Variants in NRXN1 observed in about 807,000 individuals in gnomAD.
NRXN1 encodes the protein neurexin-1.
Under a neutral mutation model 150.9 loss-of-function variants are expected in NRXN1, and 39 were observed. The ratio of observed to expected loss-of-function variants is 0.26; its 90% CI spans 0.20 to 0.34. NRXN1 has a LOEUF of 0.34. Ranked by LOEUF, NRXN1 falls within the 10% of genes least tolerant of loss-of-function variation. The probability of loss-of-function intolerance (pLI) is 1.00; values close to 1 mark genes in which losing one functional copy is unlikely to be tolerated. For missense variants in NRXN1, 1,815 were observed against 1,949.9 expected (o/e 0.93, Z 1.30); for synonymous variants, 924 against 757.0 (o/e 1.22, Z -3.62).
At chr2:50,670,214 A>T (rs2104718983) in intron 5 of NRXN1, among the ~76,000 whole-genome samples, 1 of 152,062 alleles carries the variant, frequency 6.6e-6, no homozygotes, top group South Asian at 2.1e-4. Context: ...GTGAAAAAGC[A>T]TCATACATGT....
intron 12 of NRXN1, among the ~76,000 whole-genome samples, chr2:50,509,278 A>T (rs1408749450): frequency 6.6e-6 from 1 of 152,184 alleles, no homozygotes; most frequent in African/African-American, 2.4e-5. Context: ...GGAACAAAGG[A>T]GATGGAAAAG....
At chr2:50,261,231 C>T (rs1482456112) in intron 17 of NRXN1, among the ~76,000 whole-genome samples, 1 of 151,740 alleles carries the variant, frequency 6.6e-6, no homozygotes, top group Non-Finnish European at 1.5e-5. Flanking sequence ...GTAACATACA[C>T]ATTACCCTAG....
At chr2:50,743,448 G>A (rs1432206917) in intron 5 of NRXN1, among the ~76,000 whole-genome samples, 1 of 152,142 alleles carries the variant, frequency 6.6e-6, no homozygotes, top group Non-Finnish European at 1.5e-5. Context: ...AAGAGTTTAT[G>A]TTAGCTGGGA....
At chr2:50,778,707 T>C (rs1178972165) in intron 5 of NRXN1, among the ~76,000 whole-genome samples, 1 of 152,174 alleles carries the variant, frequency 6.6e-6, no homozygotes, top group Non-Finnish European at 1.5e-5. Flanking sequence ...GAAGTCTAAG[T>C]TGTTTCAAGA....
chr2:50,138,097 C>T (rs529034083), intron 18 of NRXN1, among the ~76,000 whole-genome samples: 9 of 152,122 alleles, frequency 5.9e-5, no homozygotes, highest in Admixed American at 2.0e-4. Context: ...AAAAGTAAAA[C>T]GTATTCATCA....
At chr2:50,696,039 C>T (rs1404679496) in intron 5 of NRXN1, 2 of 152,066 alleles carry the variant, frequency 1.3e-5, no homozygotes, top group East Asian at 3.9e-4. Flanking sequence ...GATGGGGTTT[C>T]ACCATGTTGG....
chr2:50,851,435 C>A (rs912777425), intron 5 of NRXN1, among the ~76,000 whole-genome samples: 5 of 151,952 alleles, frequency 3.3e-5, no homozygotes, highest in Admixed American at 3.3e-4. Flanking sequence ...ATTTTTTTAA[C>A]CCCTGGAGTA....
intron 5 of NRXN1, among the ~76,000 whole-genome samples, chr2:50,699,484 C>T (rs1226060695): frequency 6.6e-6 from 1 of 151,988 alleles, no homozygotes; most frequent in Non-Finnish European, 1.5e-5. Context: ...AAGGGGAAGT[C>T]AGAGACATCT....
intron 17 of NRXN1, among the ~76,000 whole-genome samples, chr2:50,409,036 A>T (rs1318197450): frequency 2.0e-5 from 3 of 152,052 alleles, no homozygotes. Flanking sequence ...TTTCAAGGGG[A>T]GGGGAGGGTT....
chr2:50,389,141 G>A (rs1342346231), intron 17 of NRXN1, among the ~76,000 whole-genome samples: 1 of 151,690 alleles, frequency 6.6e-6, no homozygotes, highest in East Asian at 1.9e-4. Flanking sequence ...GTACTTGCTA[G>A]ACACAGAGCG....
At chr2:50,882,960 C>T (rs1000599563) in intron 5 of NRXN1, among the ~76,000 whole-genome samples, 3 of 151,674 alleles carry the variant, frequency 2.0e-5, no homozygotes, top group African/African-American at 7.3e-5. Flanking sequence ...AATATGCTTA[C>T]CTGACATACA....
chr2:49,975,175 G>C (rs997059455), intron 21 of NRXN1, among the ~76,000 whole-genome samples: 2 of 151,436 alleles, frequency 1.3e-5, no homozygotes, highest in Non-Finnish European at 2.9e-5. Flanking sequence ...GATGAGACCG[G>C]TGTGTGTTTC....
intron 5 of NRXN1, among the ~76,000 whole-genome samples, chr2:50,780,919 T>G (rs1198199297): frequency 6.6e-6 from 1 of 152,168 alleles, no homozygotes; most frequent in African/African-American, 2.4e-5. Flanking sequence ...GACACATTCT[T>G]AGGTTTAGGT....
intron 21 of NRXN1, chr2:50,022,664 T>A (rs1687742788): frequency 6.6e-6 from 1 of 152,224 alleles, no homozygotes; most frequent in South Asian, 2.1e-4. Context: ...TATGTTTGAT[T>A]TATTTCTTCA....
At chr2:50,513,325 A>G (rs2092524124) in intron 12 of NRXN1, among the ~76,000 whole-genome samples, 1 of 152,176 alleles carries the variant, frequency 6.6e-6, no homozygotes, top group Non-Finnish European at 1.5e-5. Context: ...CTATATAAAA[A>G]TGTATATTGA....
intron 5 of NRXN1, chr2:50,829,690 G>A (rs1008072197): frequency 1.6e-5 from 26 of 1,607,112 alleles, no homozygotes; most frequent in Admixed American, 3.4e-5. Context: ...GGAGCGCCGC[G>A]CCAGGCCGCC....
intron 5 of NRXN1, among the ~76,000 whole-genome samples, chr2:50,647,799 A>G (rs1685034490): frequency 2.0e-5 from 3 of 152,002 alleles, no homozygotes; most frequent in Non-Finnish European, 4.4e-5. Flanking sequence ...ATTAGGATGG[A>G]AAATTTGTAG....
At chr2:50,963,967 CAT>C in intron 2 of NRXN1, 1 of 441,802 alleles carries the variant, frequency 2.3e-6, no homozygotes, top group Non-Finnish European at 4.5e-6. Context: ...ATAATACAAA[CAT>C]ATGTCATTGT....
intron 21 of NRXN1, among the ~76,000 whole-genome samples, chr2:49,981,972 G>A (rs1680063908): frequency 6.6e-6 from 1 of 152,092 alleles, no homozygotes; most frequent in East Asian, 1.9e-4. Context: ...AGGGATGAGA[G>A]TGAAAATCTA....
Sources: allele counts gnomAD v4.1 joint callset (sites outside exome capture counted in the v4.1 genomes callset), GRCh38; gene constraint gnomAD v4.1.1; transcripts MANE v1.5; gene names NCBI Gene and HGNC (gene_info 2026-07-23, HGNC 2026-07-21).